Variants in CEP76 observed in about 807,000 individuals in gnomAD.
The protein encoded by CEP76 is centrosomal protein of 76 kDa.
In CEP76, 55 loss-of-function variants were observed where a neutral mutation model predicts 83.3. That is an observed-to-expected ratio of 0.66 (90% CI 0.53 to 0.83). The LOEUF (loss-of-function observed/expected upper bound fraction) is 0.83, where lower values mean the gene tolerates loss of function less well. CEP76 is among the 40% of genes least tolerant of loss of function. The pLI, the probability that CEP76 is intolerant of heterozygous loss-of-function variation, is 0.00. For synonymous variants in CEP76, 270 were observed against 274.5 expected, an observed-to-expected ratio of 0.98 and a Z score of 0.16; for missense variants, 694 against 799.5, an observed-to-expected ratio of 0.87 and a Z score of 1.59.
At chr18:12,667,061 C>A (rs971739299) in intron 12 of CEP76, among the ~76,000 whole-genome samples, 1 of 151,502 alleles carries the variant, frequency 6.6e-6, no homozygotes, top group African/African-American at 2.4e-5. Context: ...TATATGGAAA[C>A]CCTAAAGCAA....
rs1324207837 is a variant in CEP76 at position 12,702,662 on chromosome 18, T to G, written c.-114A>C. ...ACTGGAGCACAAAGCGCCGCAGCCG[T>G]TCGCCTAGCGCAGCTCCCGGGGGAC... On this transcript the variant is annotated 5_prime_UTR_variant, in exon 1 of 12. Transcript: ENST00000262127. The G allele has an allele frequency of 2.4e-6, 3 of 1,245,474 alleles. No homozygotes were observed. The highest frequency in any genetic ancestry group is 3.3e-6 in the Non-Finnish European group (3 of 913,440). 77.2% of individuals were successfully genotyped at this position (1,245,474 alleles called of 1,614,324 possible).
intron 7 of CEP76, among the ~76,000 whole-genome samples, chr18:12,686,906 A>G (rs888433975): frequency 6.6e-6 from 1 of 152,206 alleles, no homozygotes; most frequent in Non-Finnish European, 1.5e-5. Context: ...GTTTGTTTCC[A>G]TTAGGGCCTC....
In CEP76 at chr18:12,678,214, T is replaced by C. The variant is rs769106251; in HGVS notation, c.1518A>G (p.Thr506=). The change falls in exon 10 of 12, where the codon ACA becomes ACG. Residue 506 remains threonine (T), a synonymous_variant. Coordinates refer to ENST00000262127, the MANE Select transcript of CEP76 (RefSeq NM_024899.4). ...IKSVCAPGAT[T]SLPPFPPLCA... ...ACAGAGGTGGAAAGGGAGGAAGGGA[T>C]GTTGTAGCTCCAGGAGCACACACAG... 1 of 1,614,188 alleles carries C rather than the reference T, an allele frequency of 6.2e-7. No homozygotes were observed. The highest frequency in any genetic ancestry group is 1.7e-5 in the Admixed American group (1 of 60,004).
At chr18:12,674,442 A>G in intron 11 of CEP76, 94 bp downstream of exon 11, 1 of 104,436 alleles carries the variant, frequency 9.6e-6, no homozygotes, top group Non-Finnish European at 2.0e-5. Context: ...ACCTTGAGTT[A>G]AAAAAAAAAA....
intron 12 of CEP76, among the ~76,000 whole-genome samples, chr18:12,664,105 C>T (rs759355230): frequency 5.3e-5 from 8 of 151,846 alleles, no homozygotes; most frequent in Non-Finnish European, 1.0e-4. Flanking sequence ...GCGGTGGTTG[C>T]GGTGAGCCGA....
At chr18:12,695,414 G>C (rs866828697) in intron 5 of CEP76, 63 bp from the exon 6 acceptor site, 1 of 720,908 alleles carries the variant, frequency 1.4e-6, no homozygotes, top group South Asian at 2.4e-5. Flanking sequence ...GTCAACCAAA[G>C]TCTAACCAAA....
rs145770824 is a variant in CEP76, at chr18:12,683,167, C to T, written c.1123-2339G>A. 3.8e-3 allele frequency among the ~76,000 whole-genome samples: 391 copies of T among 102,216 alleles called. 4 individuals are homozygous for T. The highest frequency in any genetic ancestry group is 0.012 in the African/African-American group (371 of 30,020). 67.1% of individuals were successfully genotyped at this position (102,216 alleles called of 152,430 possible). A position where few individuals can be genotyped will look rare whatever the true frequency, so the allele number is the denominator to read the frequency against. ...TTGAGACCACCCTGGCCAAGAAACC[C>T]CATCTCTACTAAAAATACCAAAAAA... On this transcript the variant is annotated intron_variant, in intron 8 of 11. Coordinates refer to ENST00000262127, the MANE Select transcript of CEP76 (RefSeq NM_024899.4).
intron 6 of CEP76, among the ~76,000 whole-genome samples, chr18:12,691,878 G>C (rs2039775913): frequency 6.6e-6 from 1 of 151,914 alleles, no homozygotes; most frequent in African/African-American, 2.4e-5. Context: ...ACCACACTCA[G>C]CTAAATTTTT....
rs1256916618 is a variant in CEP76, at chr18:12,700,950, T to C, written c.219+8A>G. Reference sequence around the variant, plus strand: ...TACTCTCATTTATTTCCCTAAAAGATTACTCACAGTAACAAAATTAAGTTC... The same window carrying C: ...TACTCTCATTTATTTCCCTAAAAGACTACTCACAGTAACAAAATTAAGTTC... On this transcript the variant is annotated splice_region_variant and intron_variant, in intron 2 of 11. Transcript: ENST00000262127. 1 of 1,607,934 alleles carries C rather than the reference T, an allele frequency of 6.2e-7. No individual in the cohort carries two copies. The highest frequency in any genetic ancestry group is 1.7e-5 in the Admixed American group (1 of 59,796).
intron 4 of CEP76, 191 bp downstream of exon 4, chr18:12,698,788 G>C: frequency 7.0e-6 from 4 of 575,132 alleles, no homozygotes; most frequent in Non-Finnish European, 1.2e-5. Context: ...ATAATATCCA[G>C]GGAAAATGAA....
At position 12,699,116 on chromosome 18, in the gene CEP76, A is replaced by G. The variant is rs778587694; in HGVS notation, c.383T>C (p.Leu128Ser). The G allele has an allele frequency of 1.9e-6, 3 of 1,614,052 alleles. No individual in the cohort carries two copies. Among genetic ancestry groups the G allele is most frequent in the Non-Finnish European group, 2.5e-6 (3 of 1,180,022 alleles). Residue 128 changes from leucine (L) to serine (S), a missense_variant, in exon 4 of 12, where the codon TTA (leucine) becomes TCA (serine). By Grantham distance (145) the Leu-to-Ser change is moderately radical. Coordinates refer to ENST00000262127, the MANE Select transcript of CEP76 (RefSeq NM_024899.4). ...FLEHLQEPEP[L>S]PGQVCSTFTL... Reference sequence around the variant, plus strand: ...AAACGTTGAACAAACTTGTCCAGGTAAAGGCTCAGGTTCTTGCAGATGTTC... The same window carrying G: ...AAACGTTGAACAAACTTGTCCAGGTGAAGGCTCAGGTTCTTGCAGATGTTC...
At chr18:12,680,986 G>A (rs112086058) in intron 8 of CEP76, among the ~76,000 whole-genome samples, 158 bp from the exon 9 acceptor site, 8 of 152,182 alleles carry the variant, frequency 5.3e-5, no homozygotes, top group South Asian at 2.1e-4. Context: ...ATCACATGAC[G>A]TCAGGAGTTC....
intron 8 of CEP76, among the ~76,000 whole-genome samples, chr18:12,681,210 A>T (rs1279741593): frequency 6.6e-6 from 1 of 151,798 alleles, no homozygotes; most frequent in Non-Finnish European, 1.5e-5. Context: ...AAAAAAAAAA[A>T]AAATGTTTAT....
In CEP76 at chr18:12,685,633, T is replaced by A. The variant is rs184331392; in HGVS notation, c.1122+629A>T. The A allele has an allele frequency of 1.3e-4, 18 of 139,452 alleles. No individual in the cohort carries two copies. The East Asian group carries it at 3.7e-3, about 29-fold the overall frequency. 8.6% of individuals were successfully genotyped at this position (139,452 alleles called of 1,614,324 possible). A position where few individuals can be genotyped will look rare whatever the true frequency, so the allele number is the denominator to read the frequency against. On this transcript the variant is annotated intron_variant, in intron 8 of 11. Transcript: ENST00000262127. ...GTGGATACTCAAGGCTTATATAAAA[T>A]AGTATTTTTTTTTTTTTTGAGACGT...
chr18:12,683,327 G>C (rs1477216460), intron 8 of CEP76, among the ~76,000 whole-genome samples: 1 of 151,554 alleles, frequency 6.6e-6, no homozygotes, highest in Admixed American at 6.6e-5. Flanking sequence ...ACTCCAGCCT[G>C]GGCGACAGAG....
At position 12,695,275 on chromosome 18, in the gene CEP76, A is replaced by T. The variant is rs987192654; in HGVS notation, c.783T>A (p.Ser261=). ...EMYPPLNQTL[S]QEVVNTQLAL... is the part of the protein sequence containing the mutation. ...TTACCTGTGTGTTCACTACTTCTTG[A>T]GATAACGTTTGATTGAGTGGTGGAT... Residue 261 remains serine, a synonymous_variant, in exon 6 of 12, where the codon TCT becomes TCA. Transcript: ENST00000262127. 12 of 1,544,132 alleles carry T rather than the reference A, an allele frequency of 7.8e-6. No homozygotes were observed. The highest frequency in any genetic ancestry group is 1.1e-5 in the Non-Finnish European group (12 of 1,126,256).
chr18:12,702,388 C>T, intron 1 of CEP76, 98 bp downstream of exon 1: 4 of 905,164 alleles, frequency 4.4e-6, no homozygotes, highest in Non-Finnish European at 7.2e-6. Context: ...TCGCTACAGT[C>T]CCGGCAAGCA....
intron 5 of CEP76, among the ~76,000 whole-genome samples, chr18:12,695,763 C>G (rs1389884271): frequency 1.3e-5 from 2 of 151,918 alleles, no homozygotes; most frequent in Non-Finnish European, 2.9e-5. Context: ...ATTTGAGACT[C>G]TTAATTTTTG....
intron 7 of CEP76, among the ~76,000 whole-genome samples, chr18:12,690,836 T>C (rs2039728341): frequency 6.6e-6 from 1 of 152,092 alleles, no homozygotes; most frequent in African/African-American, 2.4e-5. Context: ...CAGAGATATA[T>C]AGTTGAAATG....
Sources: allele counts gnomAD v4.1 joint callset (sites outside exome capture counted in the v4.1 genomes callset), GRCh38; gene constraint gnomAD v4.1.1; transcripts MANE v1.5; gene names NCBI Gene and HGNC (gene_info 2026-07-23, HGNC 2026-07-21).